ELAC2: variants seen among roughly 807,000 people sequenced by gnomAD.
ELAC2 encodes elaC ribonuclease Z 2, also known as zinc phosphodiesterase ELAC protein 2.
A neutral mutation model predicts 105.2 loss-of-function variants in ELAC2; 92 were observed. The observed-to-expected ratio is 0.87, with a 90% confidence interval of 0.74 to 1.04. ELAC2 has a LOEUF of 1.04. ELAC2 is among the 50% of genes least tolerant of loss of function. ELAC2 has a pLI of 0.00. For missense variants in ELAC2, 1,099 were observed against 1,071.7 expected, an observed-to-expected ratio of 1.03 and a Z score of -0.36; for synonymous variants, 468 against 409.1, an observed-to-expected ratio of 1.14 and a Z score of -1.74.
intron 1 of ELAC2, 30 bp downstream of exon 1, chr17:13,017,673 A>G (rs1193951435): frequency 2.5e-6 from 4 of 1,613,292 alleles, no homozygotes; most frequent in Non-Finnish European, 3.4e-6. Flanking sequence ...CTGAGGGCCC[A>G]GCGGGACGGG....
intron 10 of ELAC2, 130 bp from the exon 11 acceptor site, chr17:13,005,231 C>G: frequency 1.3e-6 from 1 of 744,294 alleles, no homozygotes; most frequent in African/African-American, 1.7e-5. Context: ...ACAAAACCAA[C>G]TTTACACATC....
At chr17:13,000,859 C>A (rs112764090) in intron 14 of ELAC2, 1 of 171,166 alleles carries the variant, frequency 5.8e-6, no homozygotes, top group Non-Finnish European at 1.3e-5. Flanking sequence ...CATCTGGGAG[C>A]TTGTGAGTCC....
chr17:13,015,418 G>A (rs2041662491), intron 4 of ELAC2, among the ~76,000 whole-genome samples: 1 of 152,182 alleles, frequency 6.6e-6, no homozygotes, highest in Admixed American at 6.5e-5. Context: ...GAAATTTATT[G>A]AATAAAAACA....
chr17:13,011,602 C>T lies in ELAC2; in HGVS notation c.679+61G>A, dbSNP rs569003947. 409 of 1,613,104 alleles carry T rather than the reference C, an allele frequency of 2.5e-4. 1 individual carries two copies. In the South Asian group the frequency reaches 4.0e-3, roughly 16 times the overall value. On this transcript the variant is annotated intron_variant, in intron 7 of 23. Coordinates refer to ENST00000338034, the MANE Select transcript of ELAC2 (RefSeq NM_018127.7). ...CAATAATGACTCTCTACAAGCATTA[C>T]AAGGCAGAGAATTAAGAAAACGCAA...
At position 13,013,225 on chromosome 17, in the gene ELAC2, A is replaced by G. The variant is rs1213150922; in HGVS notation, c.541T>C (p.Tyr181His). The G allele has an allele frequency of 6.2e-7, 1 of 1,614,220 alleles. No individual in the cohort carries two copies. Residue 181 changes from tyrosine (Y) to histidine (H), a missense_variant, in exon 6 of 24, where the codon TAC (tyrosine) becomes CAC (histidine). Physicochemically the swap from Tyr to His is moderately conservative, Grantham distance 83. Transcript: ENST00000338034. ...PEYEDETMTV[Y>H]QIPIHSEQRR... Reference sequence around the variant, plus strand: ...TACTCACTGTGTATGGGGATCTGGTAAACTGTCATGGTTTCATCCTCGTAT... The same window carrying G: ...TACTCACTGTGTATGGGGATCTGGTGAACTGTCATGGTTTCATCCTCGTAT...
chr17:12,997,262 G>T (rs1397381524), intron 16 of ELAC2, among the ~76,000 whole-genome samples: 1 of 152,180 alleles, frequency 6.6e-6, no homozygotes, highest in African/African-American at 2.4e-5. Context: ...TGGAAGTCTG[G>T]ATTCTGACAA....
In ELAC2 at chr17:12,993,713, C is replaced by A. The variant is rs1258429104; in HGVS notation, c.2227G>T (p.Val743Leu). The A allele has an allele frequency of 6.2e-7, 1 of 1,614,252 alleles. No homozygotes were observed. The highest frequency in any genetic ancestry group is 2.2e-5 in the East Asian group (1 of 44,884). Residue 743 changes from valine to leucine, a missense_variant, in exon 23 of 24, where the codon GTG becomes TTG. Physicochemically the swap from Val to Leu is conservative, Grantham distance 32. Coordinates refer to ENST00000338034, the MANE Select transcript of ELAC2 (RefSeq NM_018127.7). ...TTCATGTGGTCAAAGGCAACTCCCACTTTCTCGCTGAAGTTGGGGCTGAAG... is the reference window on the plus strand; with the variant it reads ...TTCATGTGGTCAAAGGCAACTCCCAATTTCTCGCTGAAGTTGGGGCTGAAG... The part of the protein sequence containing the change: ...PLFSPNFSEK[V>L]GVAFDHMKVC...
chr17:13,005,371 T>A (rs2041043378), intron 10 of ELAC2, among the ~76,000 whole-genome samples: 1 of 152,156 alleles, frequency 6.6e-6, no homozygotes, highest in African/African-American at 2.4e-5. Flanking sequence ...TGGCCACTGG[T>A]CCTAATGTCC....
At position 12,992,352 on chromosome 17, in the gene ELAC2, C is replaced by A. The variant is rs2286341; in HGVS notation, c.*466G>T. The A allele has an allele frequency of 0.58, 171,960 of 294,008 alleles. 50,799 individuals are homozygous for A. Among genetic ancestry groups the A allele is most frequent in the East Asian group, 0.64 (12,725 of 20,000 alleles). 18.2% of individuals were successfully genotyped at this position (294,008 alleles called of 1,614,324 possible). A position where few individuals can be genotyped will look rare whatever the true frequency, so the allele number is the denominator to read the frequency against. On this transcript the variant is annotated 3_prime_UTR_variant, in exon 24 of 24. Coordinates refer to ENST00000338034, the MANE Select transcript of ELAC2 (RefSeq NM_018127.7). ...CCAAGGTGGTGCACAGCAGACCCTG[C>A]TCTGTAGCAGCAGCAGGAGGAAGCA...
At position 12,993,922 on chromosome 17, in the gene ELAC2, G is replaced by A. The variant is rs900928449; in HGVS notation, c.2109-91C>T. The stretch of plus-strand genomic sequence containing the variant: ...CACAGACCCTGGCCATCAACTGCCA[G>A]GGCACCCGGGGAAGCTGGTGGGTTT... On this transcript the variant is annotated intron_variant, in intron 22 of 23. Coordinates refer to ENST00000338034, the MANE Select transcript of ELAC2 (RefSeq NM_018127.7). 2.5e-6 allele frequency: 4 copies of A among 1,586,952 alleles called. No homozygotes were observed. The African/African-American group carries it at 5.4e-5, about 21-fold the overall frequency.
Position 13,015,835 on chromosome 17 carries a change from A to G in ELAC2, c.368-3T>C. On this transcript the variant is annotated splice_polypyrimidine_tract_variant and splice_region_variant and intron_variant, in intron 3 of 23. Coordinates refer to ENST00000338034, the MANE Select transcript of ELAC2 (RefSeq NM_018127.7). Reference sequence around the variant, plus strand: ...TTCCTTTAAAGTAAGAATCATTCCTAAAAAGGATGCATAAAATCAGATCTC... The same window carrying G: ...TTCCTTTAAAGTAAGAATCATTCCTGAAAAGGATGCATAAAATCAGATCTC... 6.2e-7 allele frequency: 1 copy of G among 1,613,004 alleles called. No homozygotes were observed. Among genetic ancestry groups the G allele is most frequent in the Admixed American group, 1.7e-5 (1 of 60,026 alleles).
In ELAC2 at chr17:12,995,173, G is replaced by A. The variant is rs2040408457; in HGVS notation, c.1809-111C>T. Reference sequence around the variant, plus strand: ...CAAAATCATTCTTAGGAGAAAACATGAGTTAAATCATAGTCACTATGATGA... The same window carrying A: ...CAAAATCATTCTTAGGAGAAAACATAAGTTAAATCATAGTCACTATGATGA... On this transcript the variant is annotated intron_variant, in intron 19 of 23. Transcript: ENST00000338034. The A allele has an allele frequency of 3.0e-5, 34 of 1,137,302 alleles. No homozygotes were observed. The South Asian group carries it at 3.7e-4, about 12-fold the overall frequency. The allele number at this position is 1,137,302 out of a possible 1,614,324, so 70.5% of individuals were successfully genotyped here.
At position 12,992,869 on chromosome 17, in the gene ELAC2, C is replaced by G; in HGVS notation, c.2430G>C (p.Gln810His). Reference sequence around the variant, plus strand: ...GTGGCTCCTCTGTGTGGGCCCGCTTCTGCTGAGGCTCCCCATCCTCCAGGC... The same window carrying G: ...GTGGCTCCTCTGTGTGGGCCCGCTTGTGCTGAGGCTCCCCATCCTCCAGGC... ...AGGLEDGEPQ[Q>H]KRAHTEEPQA... Residue 810 changes from glutamine (Q) to histidine (H), a missense_variant, in exon 24 of 24, where the codon CAG becomes CAC. Transcript: ENST00000338034. 1.2e-6 allele frequency: 2 copies of G among 1,613,454 alleles called. No homozygotes were observed. Among genetic ancestry groups the G allele is most frequent in the Non-Finnish European group, 1.7e-6 (2 of 1,180,032 alleles).
rs754311468 is a variant in ELAC2, at chr17:12,995,827, G to T, written c.1699-15C>A. The T allele has an allele frequency of 2.2e-5, 35 of 1,603,816 alleles. No homozygotes were observed. The South Asian group carries it at 3.0e-4, about 14-fold the overall frequency. On this transcript the variant is annotated splice_polypyrimidine_tract_variant and intron_variant, in intron 18 of 23. Transcript: ENST00000338034. The stretch of plus-strand genomic sequence containing the variant: ...CCCAAAGATGCCTGGAACAAAAAAT[G>T]CAAGTGCCGACTCGACGACAGAACA...
intron 20 of ELAC2, 22 bp from the exon 21 acceptor site, chr17:12,994,906 G>A (rs769222609): frequency 6.2e-7 from 1 of 1,614,072 alleles, no homozygotes; most frequent in Admixed American, 1.7e-5. Flanking sequence ...GGGCTGGAGG[G>A]CTCTGCAGCT....
intron 5 of ELAC2, among the ~76,000 whole-genome samples, chr17:13,013,860 G>A (rs558085041): frequency 2.6e-5 from 4 of 152,208 alleles, no homozygotes; most frequent in South Asian, 2.1e-4. Context: ...ACTCAACGAC[G>A]AGAAGCACCT....
rs2143695338 is a variant in ELAC2 at position 13,017,573 on chromosome 17, T to C, written c.245+130A>G. The stretch of plus-strand genomic sequence containing the variant: ...TCTCGGATTTCCCACCCACCATAAC[T>C]CCACGAACCCCCGCAACAGTGAACC... On this transcript the variant is annotated intron_variant, in intron 1 of 23. Coordinates refer to ENST00000338034, the MANE Select transcript of ELAC2 (RefSeq NM_018127.7). 7.3e-6 allele frequency: 11 copies of C among 1,502,144 alleles called. No individual in the cohort carries two copies. The South Asian group carries it at 1.2e-4, about 17-fold the overall frequency. 93.1% of individuals were successfully genotyped at this position (1,502,144 alleles called of 1,614,324 possible). A position where few individuals can be genotyped will look rare whatever the true frequency, so the allele number is the denominator to read the frequency against.
intron 6 of ELAC2, 108 bp downstream of exon 6, chr17:13,013,099 A>C (rs2041511755): frequency 7.8e-7 from 1 of 1,276,336 alleles, no homozygotes; most frequent in South Asian, 1.2e-5. Flanking sequence ...TCATGCTCAG[A>C]ACACAAAACA....
At position 12,991,820 on chromosome 17, in the gene ELAC2, G is replaced by A. The variant is rs1049369864; in HGVS notation, c.*998C>T. Among the ~76,000 whole-genome samples, 3 of 151,834 alleles carry A rather than the reference G, an allele frequency of 2.0e-5. No individual in the cohort carries two copies. The highest frequency in any genetic ancestry group is 6.6e-5 in the Admixed American group (1 of 15,224). ...TTCTTTTTACATTCTCCTGGGTAGG[G>A]AATATACACAATAAATACTAGATTC... On this transcript the variant is annotated 3_prime_UTR_variant, in exon 24 of 24. Coordinates refer to ENST00000338034, the MANE Select transcript of ELAC2 (RefSeq NM_018127.7).
Sources: allele counts gnomAD v4.1 joint callset (sites outside exome capture counted in the v4.1 genomes callset), GRCh38; gene constraint gnomAD v4.1.1; transcripts MANE v1.5; gene names NCBI Gene and HGNC (gene_info 2026-07-23, HGNC 2026-07-21).